Variants in HHAT observed in about 807,000 individuals in gnomAD.
HHAT encodes the protein hedgehog acyltransferase.
Under a neutral mutation model 70.8 loss-of-function variants are expected in HHAT, and 47 were observed. That is an observed-to-expected ratio of 0.66 (90% confidence interval 0.53 to 0.85). HHAT has a LOEUF of 0.85. Among genes scored for constraint, HHAT ranks in the 40% least tolerant of loss-of-function variants. The pLI, the probability that HHAT is intolerant of heterozygous loss-of-function variation, is 0.00. For synonymous variants in HHAT, 228 were observed against 247.6 expected (o/e 0.92, Z 0.74); for missense variants, 609 against 604.8 (o/e 1.01, Z -0.07).
intron 4 of HHAT, among the ~76,000 whole-genome samples, chr1:210,390,333 G>A (rs992531261): frequency 3.9e-5 from 6 of 152,152 alleles, no homozygotes; most frequent in African/African-American, 1.2e-4. Context: ...AACTACTGGT[G>A]CAGTTTTATT....
intron 11 of HHAT, among the ~76,000 whole-genome samples, chr1:210,651,674 T>C (rs1293518093): frequency 6.6e-6 from 1 of 152,178 alleles, no homozygotes; most frequent in Non-Finnish European, 1.5e-5. Flanking sequence ...TGGAGGGACA[T>C]TGACAAGAAC....
chr1:210,629,372 C>T (rs992071640), intron 11 of HHAT, among the ~76,000 whole-genome samples: 1 of 152,182 alleles, frequency 6.6e-6, no homozygotes, highest in Admixed American at 6.5e-5. Flanking sequence ...CTAAAACACC[C>T]AGGAAGGGCT....
intron 1 of HHAT, among the ~76,000 whole-genome samples, chr1:210,337,779 T>C (rs1427396849): frequency 6.6e-6 from 1 of 152,170 alleles, no homozygotes; most frequent in African/African-American, 2.4e-5. Flanking sequence ...TAAGGCAACA[T>C]AGTCACGGTT....
At chr1:210,416,511 A>C (rs2092725135) in intron 6 of HHAT, among the ~76,000 whole-genome samples, 1 of 152,180 alleles carries the variant, frequency 6.6e-6, no homozygotes, top group African/African-American at 2.4e-5. Flanking sequence ...ACGAAATTGA[A>C]TTCACTTCAA....
At chr1:210,627,140 A>G (rs1159071552) in intron 11 of HHAT, among the ~76,000 whole-genome samples, 1 of 152,204 alleles carries the variant, frequency 6.6e-6, no homozygotes, top group Non-Finnish European at 1.5e-5. Context: ...GGGAGGAACC[A>G]CTGACACCAC....
chr1:210,374,279 T>G (rs542116529), intron 3 of HHAT: 1 of 152,212 alleles, frequency 6.6e-6, no homozygotes, highest in Non-Finnish European at 1.5e-5. Context: ...ATGCTACAAA[T>G]TAGTTCAACT....
chr1:210,505,616 G>A (rs901266673), intron 8 of HHAT, among the ~76,000 whole-genome samples: 7 of 152,118 alleles, frequency 4.6e-5, no homozygotes, highest in South Asian at 2.1e-4. Context: ...TCACCCTAGC[G>A]ATGTGCTTTG....
chr1:210,365,933 ATTT>A (rs34661266), intron 3 of HHAT, among the ~76,000 whole-genome samples: 1 of 150,004 alleles, frequency 6.7e-6, no homozygotes, highest in African/African-American at 2.4e-5. Flanking sequence ...ATTAAAAAAA[ATTT>A]TTTTTTTTGA....
intron 8 of HHAT, among the ~76,000 whole-genome samples, chr1:210,481,944 G>C (rs894878088): frequency 2.6e-5 from 4 of 152,178 alleles, no homozygotes; most frequent in African/African-American, 9.7e-5. Flanking sequence ...AGTGCTCAAG[G>C]AATAGCAAGA....
intron 4 of HHAT, among the ~76,000 whole-genome samples, chr1:210,393,607 T>C (rs2091592316): frequency 6.6e-6 from 1 of 152,160 alleles, no homozygotes. Flanking sequence ...AAATGGAGTT[T>C]ACTTATTTCA....
At chr1:210,331,580 C>T (rs1447181530) in intron 1 of HHAT, among the ~76,000 whole-genome samples, 3 of 152,136 alleles carry the variant, frequency 2.0e-5, no homozygotes. Flanking sequence ...CTTCCCAGTT[C>T]GGGTGTCTTT....
At chr1:210,427,067 G>A (rs967776383) in intron 7 of HHAT, among the ~76,000 whole-genome samples, 3 of 151,966 alleles carry the variant, frequency 2.0e-5, no homozygotes, top group African/African-American at 7.3e-5. Flanking sequence ...TTCAGTCTTC[G>A]GAGGGTGTAT....
intron 9 of HHAT, among the ~76,000 whole-genome samples, chr1:210,547,882 G>A (rs540783626): frequency 2.0e-4 from 31 of 152,296 alleles, no homozygotes; most frequent in African/African-American, 7.5e-4. Context: ...GACATCTTAA[G>A]TGTGTGTGTA....
At chr1:210,469,107 C>T (rs1247393912) in intron 8 of HHAT, among the ~76,000 whole-genome samples, 1 of 152,014 alleles carries the variant, frequency 6.6e-6, no homozygotes, top group African/African-American at 2.4e-5. Context: ...ACTGAGAGGT[C>T]CTCCTGCTAA....
At chr1:210,526,753 G>A (rs1347519048) in intron 9 of HHAT, among the ~76,000 whole-genome samples, 1 of 152,168 alleles carries the variant, frequency 6.6e-6, no homozygotes, top group Non-Finnish European at 1.5e-5. Context: ...TAATATTAGA[G>A]AGCAGCTTCT....
Position 210,623,550 on chromosome 1 carries a change from C to T in HHAT, c.1270C>T (p.Arg424Cys), listed in dbSNP as rs778537110. The change falls in exon 11 of 12, where the codon CGC becomes TGC. Residue 424 changes from arginine (R) to cysteine (C), a missense_variant. Physicochemically the swap from Arg to Cys is radical, Grantham distance 180. Transcript: ENST00000261458. Reference protein sequence around the residue: ...SLARYFSPQARRRFHAALASC... With the variant: ...SLARYFSPQACRRFHAALASC... The stretch of plus-strand genomic sequence containing the variant: ...GGCCCGATACTTCTCCCCACAAGCT[C>T]GCCGTCGATTCCACGCTGCCCTTGC... The T allele has an allele frequency of 1.5e-5, 24 of 1,613,936 alleles. No individual in the cohort carries two copies. Among genetic ancestry groups the T allele is most frequent in the Middle Eastern group, 1.6e-4 (1 of 6,084 alleles).
chr1:210,648,867 A>G (rs563542986), intron 11 of HHAT, among the ~76,000 whole-genome samples: 1 of 152,360 alleles, frequency 6.6e-6, no homozygotes, highest in Non-Finnish European at 1.5e-5. Context: ...TATTATGAGC[A>G]TTTGAGTTAA....
chr1:210,523,451 A>G (rs1373470161), intron 9 of HHAT, among the ~76,000 whole-genome samples: 1 of 152,142 alleles, frequency 6.6e-6, no homozygotes, highest in African/African-American at 2.4e-5. Flanking sequence ...GATCCTGGGA[A>G]TCTTCCTGGA....
intron 9 of HHAT, among the ~76,000 whole-genome samples, chr1:210,545,714 G>A (rs1573209478): frequency 1.3e-5 from 2 of 152,152 alleles, no homozygotes; most frequent in African/African-American, 4.8e-5. Flanking sequence ...TGGGATTACA[G>A]GTGTGAGCCA....
Sources: gnomAD v4.1 joint callset for allele counts (sites outside exome capture counted in the v4.1 genomes callset) on GRCh38, gnomAD v4.1.1 for gene constraint, MANE v1.5 for transcripts, NCBI Gene and HGNC (gene_info 2026-07-23, HGNC 2026-07-21) for gene names.